NFATC1: variants seen among roughly 807,000 people sequenced by gnomAD.
NFATC1 encodes the protein nuclear factor of activated T-cells, cytoplasmic 1.
NFATC1 carries 22 observed loss-of-function variants against 76.0 expected under a neutral mutation model. The observed-to-expected ratio is 0.29, with a 90% confidence interval of 0.21 to 0.41. NFATC1 has a LOEUF of 0.41. Among genes scored for constraint, NFATC1 ranks in the 10% least tolerant of loss-of-function variants. The pLI is 1.00. For missense variants in NFATC1, 1,357 were observed against 1,337.7 expected (o/e 1.01, Z -0.23); for synonymous variants, 704 against 613.1 (o/e 1.15, Z -2.19).
rs548221094 is a variant in NFATC1 at position 79,492,268 on chromosome 18, AAAG to A, written c.2782+5335_2782+5337del. 3.2e-4 allele frequency among the ~76,000 whole-genome samples: 49 copies of A among 152,250 alleles called. 2 individuals carry two copies. In the East Asian group the frequency reaches 8.9e-3, roughly 28 times the overall value. ...GCACAGCCCACATCCTGTGCGTCTC[AAAG>A]AAGTCAAGCCTCAAAATGAAAAATG... On this transcript the variant is annotated intron_variant, in intron 9 of 9. Transcript: ENST00000427363.
At chr18:79,491,776 G>A (rs1314203749) in intron 9 of NFATC1, among the ~76,000 whole-genome samples, 6 of 152,190 alleles carry the variant, frequency 3.9e-5, no homozygotes, top group South Asian at 2.1e-4. Context: ...AGCTGCGTGC[G>A]GGGAGAGGGG....
At chr18:79,426,504 C>T (rs1017032958) in intron 2 of NFATC1, among the ~76,000 whole-genome samples, 4 of 152,342 alleles carry the variant, frequency 2.6e-5, no homozygotes, top group Admixed American at 6.5e-5. Flanking sequence ...GGACCCGTGT[C>T]GGGACTCGCA....
At chr18:79,408,435 T>A (rs1451276678) in intron 1 of NFATC1, among the ~76,000 whole-genome samples, 1 of 152,260 alleles carries the variant, frequency 6.6e-6, no homozygotes, top group African/African-American at 2.4e-5. Context: ...TTAAAATTAC[T>A]GATTTCCCTA....
In NFATC1 at chr18:79,411,029, C is replaced by T. The variant is rs1191514621; in HGVS notation, c.754C>T (p.Leu252=). 3.1e-6 allele frequency: 5 copies of T among 1,611,744 alleles called. No homozygotes were observed. The highest frequency in any genetic ancestry group is 1.3e-5 in the African/African-American group (1 of 75,024). The change falls in exon 2 of 10, where the codon CTG becomes TTG. Residue 252 remains leucine, a synonymous_variant. Transcript: ENST00000427363. ...CGCCAGCGTCACTGAGGAGAGCTGGCTGGGTGCCCGCTCCTCCAGACCCGC... is the reference window on the plus strand; with the variant it reads ...CGCCAGCGTCACTGAGGAGAGCTGGTTGGGTGCCCGCTCCTCCAGACCCGC... The part of the protein sequence containing the change: ...PRASVTEESW[L]GARSSRPASP...
rs187083338 is a variant in NFATC1, at chr18:79,479,704, C to T, written c.2093-6544C>T. On this transcript the variant is annotated intron_variant, in intron 8 of 9. Coordinates refer to ENST00000427363, the MANE Select transcript of NFATC1 (RefSeq NM_001278669.2). ...ATCCCGCTGCATCCTCATAGGCCAG[C>T]GGGTCAGGCGGGGCCATTCTGAAAC... Among the ~76,000 whole-genome samples, 38 of 152,342 alleles carry T rather than the reference C, an allele frequency of 2.5e-4. No individual in the cohort carries two copies. In the East Asian group the frequency reaches 6.8e-3, roughly 27 times the overall value.
chr18:79,488,697 T>G (rs915922073), intron 9 of NFATC1, among the ~76,000 whole-genome samples: 1 of 152,114 alleles, frequency 6.6e-6, no homozygotes, highest in Non-Finnish European at 1.5e-5. Flanking sequence ...CTGCGCGAGG[T>G]GGACGCTGAC....
At chr18:79,428,138 C>T (rs1053343333) in intron 2 of NFATC1, among the ~76,000 whole-genome samples, 5 of 151,598 alleles carry the variant, frequency 3.3e-5, no homozygotes, top group South Asian at 2.1e-4. Context: ...GGCTTCTGTG[C>T]GGTGCGGGGG....
At position 79,500,992 on chromosome 18, in the gene NFATC1, A is replaced by G. The variant is rs145105384; in HGVS notation, c.2782+14055A>G. 2.6e-5 allele frequency among the ~76,000 whole-genome samples: 4 copies of G among 152,310 alleles called. No homozygotes were observed. The East Asian group carries it at 7.7e-4, about 29-fold the overall frequency. On this transcript the variant is annotated intron_variant, in intron 9 of 9. Transcript: ENST00000427363. The stretch of plus-strand genomic sequence containing the variant: ...AAGGAACACTTCTAATACTGAAGCC[A>G]GTATAGCCCTAATACCAAAATCAAA...
rs1285639377 is a variant in NFATC1, at chr18:79,524,852, C to T, written c.2783-2676C>T. ...ATGGCCATGCCGCTTCCCTTTCACC[C>T]TCAGCGACGCGCCCTCCTGTGCCCG... On this transcript the variant is annotated intron_variant, in intron 9 of 9. Coordinates refer to ENST00000427363, the MANE Select transcript of NFATC1 (RefSeq NM_001278669.2). The surrounding 1 kb of genome is among the most constrained non-coding windows in gnomAD (Gnocchi z 7.2). 6.6e-6 allele frequency among the ~76,000 whole-genome samples: 1 copy of T among 152,032 alleles called. No homozygotes were observed. The highest frequency in any genetic ancestry group is 1.5e-5 in the Non-Finnish European group (1 of 67,970).
chr18:79,476,430 G>A (rs1159621841), intron 8 of NFATC1, among the ~76,000 whole-genome samples: 6 of 152,356 alleles, frequency 3.9e-5, no homozygotes, highest in African/African-American at 9.6e-5. Flanking sequence ...CTGTGGGAGC[G>A]TCCTTTGTCA....
At chr18:79,439,443 C>T (rs142155706) in intron 3 of NFATC1, among the ~76,000 whole-genome samples, 1,874 of 152,298 alleles carry the variant, frequency 0.012, 24 homozygotes, top group Non-Finnish European at 0.02. Context: ...GCCACGGCAC[C>T]GCTGCTGCCA....
At chr18:79,400,715 G>GA (rs2085178847) in intron 1 of NFATC1, among the ~76,000 whole-genome samples, 1 of 150,326 alleles carries the variant, frequency 6.7e-6, no homozygotes, top group South Asian at 2.1e-4. Context: ...CACGGGCGTG[G>GA]ACGAAGTGGT....
chr18:79,441,964 TC>T (rs1319001398), intron 3 of NFATC1, among the ~76,000 whole-genome samples: 2 of 152,152 alleles, frequency 1.3e-5, no homozygotes, highest in Non-Finnish European at 2.9e-5. Context: ...TCTGGGCGCT[TC>T]CAGGTGCGTT....
At chr18:79,469,032 C>T (rs1322215216) in intron 8 of NFATC1, 1 of 145,262 alleles carries the variant, frequency 6.9e-6, no homozygotes, top group Non-Finnish European at 1.5e-5. Context: ...GGAAGAGCCT[C>T]ACGCTCTGGG....
At chr18:79,477,273 G>A (rs988223023) in intron 8 of NFATC1, among the ~76,000 whole-genome samples, 3 of 152,186 alleles carry the variant, frequency 2.0e-5, no homozygotes, top group Non-Finnish European at 4.4e-5. Flanking sequence ...GTTTTCCAGG[G>A]GTTTAGACTT....
At chr18:79,420,607 C>T (rs76804350) in intron 2 of NFATC1, among the ~76,000 whole-genome samples, 11,978 of 148,600 alleles carry the variant, frequency 0.081, 659 homozygotes, top group Non-Finnish European at 0.11. Flanking sequence ...TTCCGGGAGA[C>T]GTCGCTGCAG....
At chr18:79,477,629 C>T (rs933261161) in intron 8 of NFATC1, among the ~76,000 whole-genome samples, 4 of 149,078 alleles carry the variant, frequency 2.7e-5, no homozygotes, top group East Asian at 2.0e-4. Context: ...GGAGCACCAC[C>T]GGCCGTACTG....
At chr18:79,402,730 G>T (rs577744460) in intron 1 of NFATC1, among the ~76,000 whole-genome samples, 3 of 152,208 alleles carry the variant, frequency 2.0e-5, no homozygotes, top group Non-Finnish European at 4.4e-5. Flanking sequence ...TGTACATATT[G>T]TGTTTTCCCG....
At chr18:79,471,655 G>A (rs1047455978) in intron 8 of NFATC1, among the ~76,000 whole-genome samples, 4 of 152,170 alleles carry the variant, frequency 2.6e-5, no homozygotes, top group African/African-American at 9.7e-5. Flanking sequence ...GGTCCCTTTC[G>A]TGGCCAGAGC....
Sources: allele counts gnomAD v4.1 joint callset (sites outside exome capture counted in the v4.1 genomes callset), GRCh38; gene constraint gnomAD v4.1.1; non-coding constraint Gnocchi (gnomAD v3.1); transcripts MANE v1.5; gene names NCBI Gene and HGNC (gene_info 2026-07-23, HGNC 2026-07-21).